ASAP1: variants seen among roughly 807,000 people sequenced by gnomAD.
ASAP1 encodes ArfGAP with SH3 domain, ankyrin repeat and PH domain 1, also known as arf-GAP with SH3 domain, ANK repeat and PH domain-containing protein 1.
ASAP1 carries 43 observed loss-of-function variants against 145.2 expected under a neutral mutation model. That is an observed-to-expected ratio of 0.30 (90% CI 0.23 to 0.38). The LOEUF (loss-of-function observed/expected upper bound fraction) is 0.38. Among genes scored for constraint, ASAP1 ranks in the 10% least tolerant of loss-of-function variants. The pLI, the probability that ASAP1 is intolerant of heterozygous loss-of-function variation, is 1.00. For synonymous variants in ASAP1, 546 were observed against 515.5 expected (o/e 1.06, Z -0.80); for missense variants, 1,018 against 1,355.3 (o/e 0.75, Z 3.91).
chr8:130,421,892 C>T (rs1485532866), intron 1 of ASAP1, among the ~76,000 whole-genome samples: 1 of 152,220 alleles, frequency 6.6e-6, no homozygotes, highest in African/African-American at 2.4e-5. Flanking sequence ...AAAAAGGCTT[C>T]ACCTGAATAC....
intron 3 of ASAP1, among the ~76,000 whole-genome samples, chr8:130,245,625 G>A (rs536860094): frequency 1.3e-5 from 2 of 152,288 alleles, no homozygotes; most frequent in South Asian, 4.1e-4. Flanking sequence ...GCAAAAGTCT[G>A]CTCTCCTACG....
chr8:130,234,510 C>G (rs764650269), intron 4 of ASAP1, among the ~76,000 whole-genome samples: 2 of 152,140 alleles, frequency 1.3e-5, no homozygotes, highest in Non-Finnish European at 2.9e-5. Context: ...CTCTTTACAT[C>G]CATACAGGAA....
At chr8:130,434,221 T>C (rs1226672613) in intron 1 of ASAP1, among the ~76,000 whole-genome samples, 1 of 151,906 alleles carries the variant, frequency 6.6e-6, no homozygotes, top group Non-Finnish European at 1.5e-5. Context: ...GAGGCTGAGG[T>C]GGGAGGATCA....
intron 2 of ASAP1, among the ~76,000 whole-genome samples, chr8:130,373,356 A>G (rs1827322186): frequency 6.6e-6 from 1 of 152,080 alleles, no homozygotes; most frequent in South Asian, 2.1e-4. Flanking sequence ...TAGTTTTTAG[A>G]CCTTCAACAA....
chr8:130,084,762 A>C (rs1221169955), intron 25 of ASAP1: 3 of 152,150 alleles, frequency 2.0e-5, no homozygotes, highest in African/African-American at 7.2e-5. Flanking sequence ...CAATAAGTAG[A>C]TATGTAATAA....
At chr8:130,147,941 TGTAA>T (rs2097636346) in intron 13 of ASAP1, among the ~76,000 whole-genome samples, 1 of 152,376 alleles carries the variant, frequency 6.6e-6, no homozygotes, top group African/African-American at 2.4e-5. Flanking sequence ...TAATAATCGT[TGTAA>T]GTGTTAATCA....
chr8:130,327,607 T>C (rs1032863687), intron 3 of ASAP1, among the ~76,000 whole-genome samples: 1 of 152,160 alleles, frequency 6.6e-6, no homozygotes, highest in African/African-American at 2.4e-5. Context: ...GAAAATAAAT[T>C]AAATTTCCAA....
intron 15 of ASAP1, among the ~76,000 whole-genome samples, chr8:130,130,982 C>T (rs2097582049): frequency 1.3e-5 from 2 of 152,068 alleles, no homozygotes; most frequent in South Asian, 4.1e-4. Context: ...CGGTGAAACC[C>T]CATCTCTACT....
At chr8:130,328,525 G>T (rs1200677035) in intron 3 of ASAP1, among the ~76,000 whole-genome samples, 1 of 151,768 alleles carries the variant, frequency 6.6e-6, no homozygotes, top group Non-Finnish European at 1.5e-5. Context: ...ACACAATACT[G>T]CACCATATTA....
chr8:130,348,550 C>T (rs1030644583), intron 3 of ASAP1, among the ~76,000 whole-genome samples: 1 of 152,184 alleles, frequency 6.6e-6, no homozygotes, highest in African/African-American at 2.4e-5. Flanking sequence ...AAAGAGCCTA[C>T]TGTGAACTCC....
intron 11 of ASAP1, among the ~76,000 whole-genome samples, chr8:130,166,076 C>T (rs2097679243): frequency 6.6e-6 from 1 of 152,096 alleles, no homozygotes; most frequent in Non-Finnish European, 1.5e-5. Context: ...GGCTGGAGTA[C>T]AGTGACACAA....
chr8:130,175,786 C>T (rs1813908510), intron 9 of ASAP1, among the ~76,000 whole-genome samples: 1 of 152,116 alleles, frequency 6.6e-6, no homozygotes, highest in Non-Finnish European at 1.5e-5. Flanking sequence ...TTCTGAGCTA[C>T]AACTTCTTGA....
Position 130,112,311 on chromosome 8 carries a change from G to C in ASAP1, c.2184C>G (p.Ile728Met), listed in dbSNP as rs747872771. Reference protein sequence around the residue: ...DDDLDDKPSPIKKERSPRPQS... With the variant: ...DDDLDDKPSPMKKERSPRPQS... Reference sequence around the variant, plus strand: ...GAGGTCTGGGTGAGCGCTCTTTCTTGATAGGGCTTGGCTGGCAGATGAAAT... The same window carrying C: ...GAGGTCTGGGTGAGCGCTCTTTCTTCATAGGGCTTGGCTGGCAGATGAAAT... Residue 728 changes from isoleucine to methionine, a missense_variant, in exon 24 of 30, where the codon ATC becomes ATG. By Grantham distance (10) the Ile-to-Met change is conservative. Coordinates refer to ENST00000518721, the MANE Select transcript of ASAP1 (RefSeq NM_018482.4). 1.9e-6 allele frequency: 3 copies of C among 1,614,004 alleles called. No homozygotes were observed. The South Asian group carries it at 3.3e-5, about 18-fold the overall frequency.
At chr8:130,345,262 A>G (rs1825639758) in intron 3 of ASAP1, among the ~76,000 whole-genome samples, 1 of 152,176 alleles carries the variant, frequency 6.6e-6, no homozygotes, top group Non-Finnish European at 1.5e-5. Context: ...ATAAAGAAAA[A>G]TCTGAGAGGT....
chr8:130,056,313 G>C (rs2097404030), intron 29 of ASAP1, among the ~76,000 whole-genome samples: 2 of 152,230 alleles, frequency 1.3e-5, no homozygotes, highest in Non-Finnish European at 2.9e-5. Flanking sequence ...CTTCATGCCA[G>C]GGGCTGGCCC....
intron 11 of ASAP1, among the ~76,000 whole-genome samples, chr8:130,162,317 GT>G (rs11327491): frequency 0.58 from 87,638 of 151,866 alleles, 25,457 homozygotes; most frequent in South Asian, 0.69. Context: ...TTTTGTTGTT[GT>G]TTTTTTAAGA....
chr8:130,065,427 C>G (rs1300499571), intron 27 of ASAP1, among the ~76,000 whole-genome samples: 1 of 152,118 alleles, frequency 6.6e-6, no homozygotes, highest in Non-Finnish European at 1.5e-5. Context: ...GTCAGCATTC[C>G]TTCCCCCAGG....
intron 3 of ASAP1, among the ~76,000 whole-genome samples, chr8:130,264,912 C>T (rs1820151780): frequency 6.6e-6 from 1 of 151,346 alleles, no homozygotes; most frequent in African/African-American, 2.4e-5. Flanking sequence ...GTAAATGACC[C>T]CCAAGAATCA....
intron 3 of ASAP1, among the ~76,000 whole-genome samples, chr8:130,294,144 A>T (rs1822114299): frequency 1.3e-5 from 2 of 152,220 alleles, no homozygotes; most frequent in African/African-American, 4.8e-5. Flanking sequence ...TTAATCAACC[A>T]GAGAGAGAGG....
Sources: allele counts gnomAD v4.1 joint callset (sites outside exome capture counted in the v4.1 genomes callset), GRCh38; gene constraint gnomAD v4.1.1; transcripts MANE v1.5; gene names NCBI Gene and HGNC (gene_info 2026-07-23, HGNC 2026-07-21).